HENMT1: variants seen among roughly 807,000 people sequenced by gnomAD.
The protein encoded by HENMT1 is small RNA 2'-O-methyltransferase.
A neutral mutation model predicts 31.1 loss-of-function variants in HENMT1; 27 were observed. The ratio of observed to expected loss-of-function variants is 0.87; its 90% CI spans 0.64 to 1.20. The LOEUF is 1.20. Among genes scored for constraint, HENMT1 ranks in the 50% most tolerant of loss-of-function variants. The pLI, the probability that HENMT1 is intolerant of heterozygous loss-of-function variation, is 0.00. For synonymous variants in HENMT1, 167 were observed against 172.2 expected (o/e 0.97, Z 0.24); for missense variants, 438 against 469.6 (o/e 0.93, Z 0.62).
chr1:108,653,567 G>A (rs1658123973), intron 5 of HENMT1, among the ~76,000 whole-genome samples: 1 of 152,158 alleles, frequency 6.6e-6, no homozygotes, highest in Non-Finnish European at 1.5e-5. Flanking sequence ...CAGTTTATAT[G>A]AGTTCCCTTT....
rs374377766 is a variant in HENMT1 at position 108,648,687 on chromosome 1, C to T, written c.1061G>A (p.Arg354His). ...CATCATCTCTTCATTAGCACATAAG[C>T]GGTTCAACTTGGGATACGCAAGGAG... ...QRLLAYPKLN[R>H]LCANEEMMRS... is the part of the protein sequence containing the mutation. Residue 354 changes from arginine (R) to histidine (H), a missense_variant, in exon 8 of 8, where the codon CGC becomes CAC. By Grantham distance (29) the Arg-to-His change is conservative (BLOSUM62 0). Coordinates refer to ENST00000651461, the MANE Select transcript of HENMT1 (RefSeq NM_001102592.2). The T allele has an allele frequency of 3.1e-5, 50 of 1,614,054 alleles. No homozygotes were observed. The highest frequency in any genetic ancestry group is 3.3e-4 in the Middle Eastern group (2 of 6,084).
chr1:108,651,288 A>G (rs924961955), intron 5 of HENMT1, 79 bp from the exon 6 acceptor site: 27 of 1,194,628 alleles, frequency 2.3e-5, no homozygotes, highest in Non-Finnish European at 3.0e-5. Context: ...ATCAAAAACA[A>G]TTTCCATCTG....
At chr1:108,658,458 G>A (rs921931682) in intron 2 of HENMT1, among the ~76,000 whole-genome samples, 14 of 152,040 alleles carry the variant, frequency 9.2e-5, no homozygotes, top group Admixed American at 5.2e-4. Flanking sequence ...AGAGAGAGAG[G>A]ATCTCACTAT....
intron 5 of HENMT1, among the ~76,000 whole-genome samples, chr1:108,654,354 G>A (rs1658148544): frequency 6.6e-6 from 1 of 151,974 alleles, no homozygotes; most frequent in African/African-American, 2.4e-5. Flanking sequence ...TTTTAGTAGA[G>A]GCAAAAGGCC....
chr1:108,657,786 G>C (rs1658293571), intron 2 of HENMT1, among the ~76,000 whole-genome samples: 1 of 152,022 alleles, frequency 6.6e-6, no homozygotes, highest in African/African-American at 2.4e-5. Flanking sequence ...TTTAACAAGA[G>C]AGAATCTAGC....
intron 2 of HENMT1, 63 bp from the exon 3 acceptor site, chr1:108,657,642 GGGGC>G: frequency 1.3e-6 from 2 of 1,507,210 alleles, no homozygotes; most frequent in Non-Finnish European, 9.0e-7. Context: ...AATTAAATAA[GGGGC>G]AAAAAAAAAA....
At chr1:108,652,015 C>T (rs779416878) in intron 5 of HENMT1, among the ~76,000 whole-genome samples, 5 of 152,132 alleles carry the variant, frequency 3.3e-5, no homozygotes, top group African/African-American at 7.2e-5. Flanking sequence ...TCAGATACAG[C>T]GACATTCTAG....
At chr1:108,650,058 C>A in intron 7 of HENMT1, 153 bp downstream of exon 7, 1 of 743,674 alleles carries the variant, frequency 1.3e-6, no homozygotes, top group Non-Finnish European at 2.4e-6. Context: ...CTAACTCGGA[C>A]AGTAGTCATG....
chr1:108,657,328 G>T, intron 3 of HENMT1, 123 bp downstream of exon 3: 1 of 654,528 alleles, frequency 1.5e-6, no homozygotes. Context: ...TGTGGTTACG[G>T]CATTCTCCCT....
intron 6 of HENMT1, 67 bp from the exon 7 acceptor site, chr1:108,650,455 T>C: frequency 1.4e-6 from 2 of 1,393,322 alleles, no homozygotes; most frequent in Non-Finnish European, 2.0e-6. Context: ...AAGGAACCAT[T>C]TCTGGTCAGC....
chr1:108,659,455 G>C (rs1658372256), intron 2 of HENMT1, among the ~76,000 whole-genome samples: 1 of 152,062 alleles, frequency 6.6e-6, no homozygotes, highest in South Asian at 2.1e-4. Flanking sequence ...ACAGCAGGGA[G>C]CTACACCCTA....
At chr1:108,650,445 A>G in intron 6 of HENMT1, 57 bp from the exon 7 acceptor site, 16 of 1,465,450 alleles carry the variant, frequency 1.1e-5, no homozygotes, top group Non-Finnish European at 1.5e-5. Flanking sequence ...ACTGTTAAAT[A>G]AGGAACCATT....
In HENMT1 at chr1:108,648,843, T is replaced by C; in HGVS notation, c.905A>G (p.Lys302Arg). Residue 302 changes from lysine (K) to arginine (R), a missense_variant, in exon 8 of 8, where the codon AAA (lysine) becomes AGA (arginine). Physicochemically the swap from Lys to Arg is conservative, Grantham distance 26 (BLOSUM62 2). Transcript: ENST00000651461. ...EQAGERGDKPKDIGGSKAPVP... is the reference protein window; with the variant it reads ...EQAGERGDKPRDIGGSKAPVP... ...AGGGGCCTTTGAGCCACCAATGTCT[T>C]TGGGCTTATCACCCCGTTCCCCAGC... The C allele has an allele frequency of 6.2e-7, 1 of 1,614,202 alleles. No homozygotes were observed. The highest frequency in any genetic ancestry group is 8.5e-7 in the Non-Finnish European group (1 of 1,180,032).
Position 108,648,812 on chromosome 1 carries a change from T to C in HENMT1, c.936A>G (p.Pro312=), listed in dbSNP as rs758631122. 1.2e-5 allele frequency: 19 copies of C among 1,614,114 alleles called. No individual in the cohort carries two copies. The highest frequency in any genetic ancestry group is 1.7e-5 in the Admixed American group (1 of 60,012). ...KDIGGSKAPV[P]CFGPVFTEVE... ...CCTCTGTGAAGACTGGTCCAAAGCATGGGACAGGGGCCTTTGAGCCACCAA... is the reference window on the plus strand; with the variant it reads ...CCTCTGTGAAGACTGGTCCAAAGCACGGGACAGGGGCCTTTGAGCCACCAA... The change falls in exon 8 of 8, where the codon CCA becomes CCG. Residue 312 remains proline, a synonymous_variant. Coordinates refer to ENST00000651461, the MANE Select transcript of HENMT1 (RefSeq NM_001102592.2).
chr1:108,651,268 T>C (rs1005645202), intron 5 of HENMT1, 59 bp from the exon 6 acceptor site: 1 of 1,402,566 alleles, frequency 7.1e-7, no homozygotes, highest in Non-Finnish European at 9.9e-7. Context: ...CCTATTTTTC[T>C]AATTGATTTA....
chr1:108,650,301 G>C lies in HENMT1; in HGVS notation c.666C>G (p.Tyr222Ter), dbSNP rs766537081. ...TCCGGAAGATTCCTATCTGGGTACAGTATCCAACATTCTCAGCTCCAGCTG... is the reference window on the plus strand; with the variant it reads ...TCCGGAAGATTCCTATCTGGGTACACTATCCAACATTCTCAGCTCCAGCTG... ...EPPAGAENVGYCTQIGIFRKN... is the reference protein window; with the variant it reads ...EPPAGAENVG The change falls in exon 7 of 8, where the codon TAC (tyrosine) becomes TAG (stop). Residue 222 changes from tyrosine to a stop codon, truncating the protein, a stop_gained. Transcript: ENST00000651461. LOFTEE classifies it high-confidence loss of function. 5 of 1,614,014 alleles carry C rather than the reference G, an allele frequency of 3.1e-6. No homozygotes were observed. The highest frequency in any genetic ancestry group is 4.2e-6 in the Non-Finnish European group (5 of 1,179,912).
rs570873699 is a variant in HENMT1, at chr1:108,661,045, C to A, written c.-161G>T. On this transcript the variant is annotated 5_prime_UTR_variant, in exon 1 of 8. Coordinates refer to ENST00000651461, the MANE Select transcript of HENMT1 (RefSeq NM_001102592.2). ...AGCATGCCCAACCGAAAAAACAAAG[C>A]TCGTCGCGGAGCCGCCAGCGTCCTC... 1.7e-4 allele frequency: 165 copies of A among 981,208 alleles called. No individual in the cohort carries two copies. In the African/African-American group the frequency reaches 2.7e-3, roughly 16 times the overall value. The allele number at this position is 981,208 out of a possible 1,614,324, so 60.8% of individuals were successfully genotyped here.
intron 7 of HENMT1, chr1:108,649,909 C>T (rs967843019): frequency 7.7e-5 from 33 of 427,738 alleles, no homozygotes; most frequent in East Asian, 5.6e-5. Context: ...CTACCTTGGC[C>T]TCCCAACATG....
intron 1 of HENMT1, among the ~76,000 whole-genome samples, 190 bp downstream of exon 1, chr1:108,660,773 A>T (rs1335847083): frequency 7.9e-5 from 12 of 151,256 alleles, no homozygotes; most frequent in Non-Finnish European, 1.6e-4. Flanking sequence ...AAATACAAAA[A>T]ATTAGCCGGG....
Sources: gnomAD v4.1 joint callset for allele counts (sites outside exome capture counted in the v4.1 genomes callset) on GRCh38, gnomAD v4.1.1 for gene constraint, MANE v1.5 for transcripts, NCBI Gene and HGNC (gene_info 2026-07-23, HGNC 2026-07-21) for gene names.